MAGT1: variants seen among roughly 807,000 people sequenced by gnomAD.
MAGT1 encodes magnesium transporter 1, also known as dolichyl-diphosphooligosaccharide--protein glycosyltransferase subunit MAGT1.
MAGT1 carries 4 observed loss-of-function variants against 28.4 expected under a neutral mutation model. The observed-to-expected ratio is 0.14, with a 90% CI of 0.07 to 0.32. The LOEUF is 0.32. Ranked by LOEUF, MAGT1 falls within the 10% of genes least tolerant of loss-of-function variation. The probability of loss-of-function intolerance (pLI) is 1.00; values close to 1 mark genes in which losing one functional copy is unlikely to be tolerated. For missense variants in MAGT1, 193 were observed against 264.5 expected, an observed-to-expected ratio of 0.73 and a Z score of 1.88; for synonymous variants, 89 against 89.7, an observed-to-expected ratio of 0.99 and a Z score of 0.04.
At chrX:77,831,372 C>A (rs782771902) in intron 8 of MAGT1, among the ~76,000 whole-genome samples, 1 of 110,889 alleles carries the variant, frequency 9.0e-6, no homozygotes, top group East Asian at 2.8e-4. Flanking sequence ...ATTGATAAAT[C>A]TCAACTTTTC....
rs2076883979 is a variant in MAGT1, at chrX:77,826,854, C to T, written c.*2366G>A. The T allele has an allele frequency of 8.9e-6, 1 of 111,755 alleles. No homozygotes were observed. The highest frequency in any genetic ancestry group is 1.9e-5 in the Non-Finnish European group (1 of 53,170). 9.2% of individuals were successfully genotyped at this position (111,755 alleles called of 1,213,427 possible). A position where few individuals can be genotyped will look rare whatever the true frequency, so the allele number is the denominator to read the frequency against. ...AGCAGGTAAGGAATTCAGAATCTCACAATTTACAAGTGAGTAATTAACAAA... is the reference window on the plus strand; with the variant it reads ...AGCAGGTAAGGAATTCAGAATCTCATAATTTACAAGTGAGTAATTAACAAA... On this transcript the variant is annotated 3_prime_UTR_variant, in exon 10 of 10. Transcript: ENST00000618282.
intron 3 of MAGT1, among the ~76,000 whole-genome samples, chrX:77,859,842 G>A (rs373178124): frequency 7.4e-4 from 82 of 110,217 alleles, no homozygotes; most frequent in African/African-American, 1.6e-3. Context: ...ATTTCAGCCT[G>A]GGTGACACAG....
intron 7 of MAGT1, among the ~76,000 whole-genome samples, chrX:77,853,536 C>T (rs1178569642): frequency 3.6e-5 from 4 of 112,097 alleles, no homozygotes; most frequent in Non-Finnish European, 7.5e-5. Context: ...ATGTTGACCC[C>T]TTTACACAGC....
intron 7 of MAGT1, among the ~76,000 whole-genome samples, chrX:77,841,851 ATTT>A: frequency 1.2e-5 from 1 of 80,049 alleles, no homozygotes; most frequent in Admixed American, 1.7e-4. Flanking sequence ...AAATTCTGTA[ATTT>A]TTTTTTTTTT....
intron 3 of MAGT1, among the ~76,000 whole-genome samples, chrX:77,868,948 G>A (rs1557217103): frequency 8.9e-6 from 1 of 112,049 alleles, no homozygotes; most frequent in Non-Finnish European, 1.9e-5. Flanking sequence ...TAGAGGTAAG[G>A]GGACAAAAGA....
intron 4 of MAGT1, 142 bp downstream of exon 4, chrX:77,857,215 T>C: frequency 1.4e-6 from 1 of 715,877 alleles, no homozygotes; most frequent in East Asian, 3.2e-5. Flanking sequence ...TTCATCAAGA[T>C]GATTCTGTTT....
chrX:77,867,996 G>C, intron 3 of MAGT1: 1 of 66,507 alleles, frequency 1.5e-5, no homozygotes, highest in Non-Finnish European at 4.1e-5. Context: ...AATGAGAGAT[G>C]AATGTGAGCC....
At chrX:77,861,614 G>C (rs2076995004) in intron 3 of MAGT1, among the ~76,000 whole-genome samples, 1 of 112,489 alleles carries the variant, frequency 8.9e-6, no homozygotes, top group African/African-American at 3.2e-5. Context: ...GTTCATAGCA[G>C]TATTATTCAC....
intron 7 of MAGT1, among the ~76,000 whole-genome samples, chrX:77,842,071 T>C (rs1423715005): frequency 9.1e-6 from 1 of 109,693 alleles, no homozygotes; most frequent in Non-Finnish European, 1.9e-5. Context: ...GAACAGTAAC[T>C]ACTTTTTATT....
chrX:77,862,798 A>G (rs1278691189), intron 3 of MAGT1, among the ~76,000 whole-genome samples: 1 of 111,577 alleles, frequency 9.0e-6, no homozygotes, highest in East Asian at 2.8e-4. Flanking sequence ...ACATTTTCCT[A>G]CTTTCTCTAA....
At chrX:77,859,548 T>C (rs913089218) in intron 3 of MAGT1, among the ~76,000 whole-genome samples, 1 of 112,101 alleles carries the variant, frequency 8.9e-6, no homozygotes, top group Non-Finnish European at 1.9e-5. Context: ...TGTTAGGTCA[T>C]GGGATAGAAA....
rs1557218014 is a variant in MAGT1, at chrX:77,877,852, TAAAATAAAATAAAATAAA to T, written c.103-2273_103-2256del. Among the ~76,000 whole-genome samples, 119 of 106,030 alleles carry T rather than the reference TAAAATAAAATAAAATAAA, an allele frequency of 1.1e-3. 1 individual carries two copies. Among genetic ancestry groups the T allele is most frequent in the Admixed American group, 2.5e-3 (24 of 9,601 alleles). The allele number at this position is 106,030 out of a possible 115,157, so 92.1% of individuals were successfully genotyped here. On this transcript the variant is annotated intron_variant, in intron 1 of 9. Coordinates refer to ENST00000618282, the MANE Select transcript of MAGT1 (RefSeq NM_001367916.1). ...TAAAATAAAATAAAATAAAATAAAA[TAAAATAAAATAAAATAAA>T]ATATACTGACAATATCAAATGCTGG...
At chrX:77,880,814 T>C (rs1182335658) in intron 1 of MAGT1, among the ~76,000 whole-genome samples, 2 of 108,295 alleles carry the variant, frequency 1.8e-5, no homozygotes, top group African/African-American at 3.4e-5. Context: ...AAAAGTTAGC[T>C]GGGCGTGGTG....
At chrX:77,870,127 T>C (rs2077016893) in intron 3 of MAGT1, among the ~76,000 whole-genome samples, 1 of 111,996 alleles carries the variant, frequency 8.9e-6, no homozygotes, top group Non-Finnish European at 1.9e-5. Flanking sequence ...GAGGTCATTA[T>C]TCTAAGTGAA....
At position 77,841,804 on chromosome X, in the gene MAGT1, T is replaced by C. The variant is rs782462851; in HGVS notation, c.827-484A>G. Among the ~76,000 whole-genome samples the C allele has an allele frequency of 1.8e-3, 190 of 106,761 alleles. 2 individuals are homozygous for C. Among genetic ancestry groups the C allele is most frequent in the African/African-American group, 5.8e-3 (171 of 29,391 alleles). 92.7% of individuals were successfully genotyped at this position (106,761 alleles called of 115,157 possible). On this transcript the variant is annotated intron_variant, in intron 7 of 9. Coordinates refer to ENST00000618282, the MANE Select transcript of MAGT1 (RefSeq NM_001367916.1). ...CACCCTCCCACCTCAGCCTCCTGAGTAGCTGCAACTACAGGTGCTCACCAC... is the reference window on the plus strand; with the variant it reads ...CACCCTCCCACCTCAGCCTCCTGAGCAGCTGCAACTACAGGTGCTCACCAC...
At chrX:77,894,850 G>A (rs1024803452) in intron 1 of MAGT1, among the ~76,000 whole-genome samples, 3 of 112,224 alleles carry the variant, frequency 2.7e-5, no homozygotes, top group South Asian at 3.6e-4. Flanking sequence ...TTTGGACAAA[G>A]TAATAAATCT....
At chrX:77,893,530 G>A (rs782199817) in intron 1 of MAGT1, among the ~76,000 whole-genome samples, 2 of 111,328 alleles carry the variant, frequency 1.8e-5, no homozygotes, top group South Asian at 7.4e-4. Flanking sequence ...AGTTCAGTGA[G>A]AGAGTCAATG....
At chrX:77,865,466 T>C (rs2077006247) in intron 3 of MAGT1, among the ~76,000 whole-genome samples, 1 of 103,200 alleles carries the variant, frequency 9.7e-6, no homozygotes. Flanking sequence ...ATTTTTGTTG[T>C]TTTTTTTTTG....
chrX:77,882,318 A>AAAGAAAG (rs1307830582), intron 1 of MAGT1, among the ~76,000 whole-genome samples: 4 of 111,845 alleles, frequency 3.6e-5, no homozygotes, highest in Non-Finnish European at 7.5e-5. Flanking sequence ...CAGGAGAAAG[A>AAAGAAAG]AAGAAAGGGT....
Sources: allele counts gnomAD v4.1 joint callset (sites outside exome capture counted in the v4.1 genomes callset), GRCh38; gene constraint gnomAD v4.1.1; transcripts MANE v1.5; gene names NCBI Gene and HGNC (gene_info 2026-07-23, HGNC 2026-07-21).